Variants in FAT3 observed in about 807,000 individuals in gnomAD.
FAT3 encodes protocadherin Fat 3.
A neutral mutation model predicts 310.2 loss-of-function variants in FAT3; 95 were observed. That is an observed-to-expected ratio of 0.31 (90% confidence interval 0.26 to 0.36). The LOEUF (loss-of-function observed/expected upper bound fraction) is 0.36, where lower values mean the gene tolerates loss of function less well. FAT3 is among the 10% of genes least tolerant of loss of function. FAT3 has a pLI of 1.00. For synonymous variants in FAT3, 2,314 were observed against 2,192.9 expected, an observed-to-expected ratio of 1.06 and a Z score of -1.54; for missense variants, 5,408 against 5,715.6, an observed-to-expected ratio of 0.95 and a Z score of 1.74.
chr11:92,324,806 A>G (rs1472651655), intron 1 of FAT3, among the ~76,000 whole-genome samples: 3 of 152,250 alleles, frequency 2.0e-5, no homozygotes, highest in African/African-American at 4.8e-5. Context: ...ATGCCTGTCC[A>G]TGAATAGTGG....
At chr11:92,703,273 TAAAGCATCTGC>T (rs1944158740) in intron 4 of FAT3, among the ~76,000 whole-genome samples, 2 of 152,252 alleles carry the variant, frequency 1.3e-5, no homozygotes, top group East Asian at 3.8e-4. Flanking sequence ...CTTCCTTTGG[TAAAGCATCTGC>T]TAAGCATCTG....
At chr11:92,463,478 A>G (rs1951683630) in intron 2 of FAT3, among the ~76,000 whole-genome samples, 1 of 152,184 alleles carries the variant, frequency 6.6e-6, no homozygotes, top group Non-Finnish European at 1.5e-5. Context: ...ATGGGGTTGA[A>G]TACTACTAGA....
At chr11:92,516,391 A>T (rs532404468) in intron 2 of FAT3, among the ~76,000 whole-genome samples, 1 of 152,306 alleles carries the variant, frequency 6.6e-6, no homozygotes, top group African/African-American at 2.4e-5. Flanking sequence ...CAAAAACCAC[A>T]TGGTTATCTC....
intron 2 of FAT3, among the ~76,000 whole-genome samples, chr11:92,483,958 A>G (rs1193771682): frequency 6.6e-6 from 1 of 152,204 alleles, no homozygotes; most frequent in Non-Finnish European, 1.5e-5. Flanking sequence ...ATTGCCCACT[A>G]GTTATTATGA....
At chr11:92,642,574 C>T (rs1031073231) in intron 3 of FAT3, among the ~76,000 whole-genome samples, 1 of 152,226 alleles carries the variant, frequency 6.6e-6, no homozygotes, top group African/African-American at 2.4e-5. Flanking sequence ...TATGAAAATG[C>T]AGACATGGTT....
Position 92,764,875 on chromosome 11 carries a change from G to A in FAT3, c.3985-4G>A, listed in dbSNP as rs561573377. 1.2e-6 allele frequency: 2 copies of A among 1,613,080 alleles called. No individual in the cohort carries two copies. Among genetic ancestry groups the A allele is most frequent in the East Asian group, 2.2e-5 (1 of 44,838 alleles). ...ATCTTTCTCTTCTCTCCCTGTGTGA[G>A]TAGATAAAGGCAGTGGACAATGGGC... is the stretch of plus-strand genomic sequence containing the variant. On this transcript the variant is annotated splice_region_variant and splice_polypyrimidine_tract_variant and intron_variant, in intron 5 of 27. Coordinates refer to ENST00000525166, the MANE Select transcript of FAT3 (RefSeq NM_001367949.2).
At chr11:92,341,585 T>A (rs2134585075) in intron 1 of FAT3, among the ~76,000 whole-genome samples, 1 of 152,360 alleles carries the variant, frequency 6.6e-6, no homozygotes, top group Admixed American at 6.5e-5. Context: ...AGCAAACTTT[T>A]GGATTGTATT....
At chr11:92,695,483 G>T (rs1036150641) in intron 3 of FAT3, among the ~76,000 whole-genome samples, 3 of 151,882 alleles carry the variant, frequency 2.0e-5, no homozygotes, top group Non-Finnish European at 2.9e-5. Context: ...TTCACACAGA[G>T]GAACTCTGCA....
At position 92,353,927 on chromosome 11, in the gene FAT3, C is replaced by T. The variant is rs369038282; in HGVS notation, c.1815C>T (p.Ile605=). The change falls in exon 2 of 28, where the codon ATC becomes ATT. Residue 605 remains isoleucine, a synonymous_variant. Transcript: ENST00000525166. ...GHITAVSAID[I]DELELVKYKI... ...TCACAGCAGTCTCAGCGATCGATAT[C>T]GATGAACTTGAACTTGTAAAGTACA... The T allele has an allele frequency of 5.7e-5, 92 of 1,611,644 alleles. No homozygotes were observed. The highest frequency in any genetic ancestry group is 6.3e-5 in the Non-Finnish European group (74 of 1,178,030).
intron 2 of FAT3, among the ~76,000 whole-genome samples, chr11:92,491,723 C>T (rs1361046422): frequency 2.6e-5 from 4 of 152,020 alleles, no homozygotes; most frequent in Non-Finnish European, 5.9e-5. Context: ...ATTGTAAATT[C>T]GTTTTGTTCC....
At chr11:92,625,778 AG>A (rs1941306150) in intron 3 of FAT3, among the ~76,000 whole-genome samples, 1 of 151,830 alleles carries the variant, frequency 6.6e-6, no homozygotes, top group African/African-American at 2.4e-5. Flanking sequence ...ATATTGGCCA[AG>A]TGCTAAGACA....
chr11:92,719,179 G>A (rs1476743034), intron 4 of FAT3, among the ~76,000 whole-genome samples: 1 of 152,114 alleles, frequency 6.6e-6, no homozygotes, highest in East Asian at 1.9e-4. Flanking sequence ...TGTTTCCTAG[G>A]ACAGACCCAT....
intron 2 of FAT3, among the ~76,000 whole-genome samples, chr11:92,442,743 C>T (rs1951104557): frequency 1.3e-5 from 2 of 151,980 alleles, no homozygotes; most frequent in Admixed American, 1.3e-4. Flanking sequence ...AGGACCATAT[C>T]ATCACAACCC....
At chr11:92,666,858 G>A (rs566707372) in intron 3 of FAT3, among the ~76,000 whole-genome samples, 1 of 152,188 alleles carries the variant, frequency 6.6e-6, no homozygotes, top group East Asian at 1.9e-4. Flanking sequence ...GCTTATCCTG[G>A]ACCAGCCTGA....
intron 3 of FAT3, among the ~76,000 whole-genome samples, chr11:92,584,607 G>T (rs1391629496): frequency 7.0e-6 from 1 of 142,968 alleles, no homozygotes; most frequent in East Asian, 2.1e-4. Context: ...AAACAGGTAT[G>T]TCCAGGAATA....
intron 2 of FAT3, chr11:92,407,948 C>G (rs1046936941): frequency 7.2e-5 from 11 of 152,262 alleles, no homozygotes; most frequent in African/African-American, 2.4e-4. Context: ...CTTCCCAGCC[C>G]ATGAGGCAAA....
At chr11:92,864,274 C>CAAAA (rs1949184919) in intron 21 of FAT3, among the ~76,000 whole-genome samples, 1 of 152,112 alleles carries the variant, frequency 6.6e-6, no homozygotes, top group Non-Finnish European at 1.5e-5. Flanking sequence ...AGATAAATTG[C>CAAAA]ACTCTCACCA....
At chr11:92,641,451 G>C (rs536197458) in intron 3 of FAT3, among the ~76,000 whole-genome samples, 1 of 152,090 alleles carries the variant, frequency 6.6e-6, no homozygotes, top group Non-Finnish European at 1.5e-5. Context: ...CAAGGTTTCC[G>C]CAAGGCCATG....
intron 3 of FAT3, among the ~76,000 whole-genome samples, chr11:92,578,640 AG>A (rs1938618887): frequency 6.6e-6 from 1 of 152,164 alleles, no homozygotes; most frequent in Admixed American, 6.6e-5. Flanking sequence ...CAGCTGCATT[AG>A]GCAGCGAAGA....
Sources: allele counts gnomAD v4.1 joint callset (sites outside exome capture counted in the v4.1 genomes callset), GRCh38; gene constraint gnomAD v4.1.1; transcripts MANE v1.5; gene names NCBI Gene and HGNC (gene_info 2026-07-23, HGNC 2026-07-21).